Variants in HNRNPH1 observed in about 807,000 individuals in gnomAD.
The protein encoded by HNRNPH1 is heterogeneous nuclear ribonucleoprotein H.
In HNRNPH1, 4 loss-of-function variants were observed where a neutral mutation model predicts 58.6. The ratio of observed to expected loss-of-function variants is 0.07; its 90% confidence interval spans 0.03 to 0.16. The LOEUF is 0.16. Among genes scored for constraint, HNRNPH1 ranks in the 10% least tolerant of loss-of-function variants. The pLI is 1.00. For missense variants in HNRNPH1, 271 were observed against 564.2 expected (o/e 0.48, Z 5.26); for synonymous variants, 192 against 189.2 (o/e 1.01, Z -0.12).
chr5:179,632,171 G>T (rs1303947681), intron 2 of HNRNPH1, among the ~76,000 whole-genome samples: 1 of 152,102 alleles, frequency 6.6e-6, no homozygotes, highest in South Asian at 2.1e-4. Context: ...ATCCGGGCGT[G>T]GTGGCGGGTG....
chr5:179,627,984 G>A (rs1163028681), upstream of HNRNPH1, among the ~76,000 whole-genome samples: 1 of 142,302 alleles, frequency 7.0e-6, no homozygotes, highest in Non-Finnish European at 1.5e-5. Context: ...CATCACACCC[G>A]GCTAATTTTT....
At chr5:179,631,535 C>T (rs998668431) in intron 2 of HNRNPH1, among the ~76,000 whole-genome samples, 13 of 151,944 alleles carry the variant, frequency 8.6e-5, no homozygotes, top group African/African-American at 2.2e-4. Flanking sequence ...TACCTGAGGT[C>T]GGGAGTTCAA....
intron 8 of HNRNPH1, 110 bp downstream of exon 9, chr5:179,617,404 T>C: frequency 2.4e-6 from 3 of 1,263,018 alleles, no homozygotes; most frequent in East Asian, 4.6e-5. Flanking sequence ...AGAATTAATC[T>C]ATTACTGGAG....
intron 11 of HNRNPH1, chr5:179,615,835 T>C (rs922222809): frequency 1.9e-6 from 1 of 519,684 alleles, no homozygotes; most frequent in African/African-American, 1.9e-5. Context: ...AGATATTTTC[T>C]GGCTCGACAG....
chr5:179,623,250 C>T (rs919851117), exon 1 of HNRNPH1: 7 of 641,738 alleles, frequency 1.1e-5, no homozygotes, highest in South Asian at 1.7e-5. Flanking sequence ...ACCGCCCCCC[C>T]ACGGAGCAAA....
chr5:179,617,463 T>C (rs750901213), intron 8 of HNRNPH1, 51 bp downstream of exon 9: 1 of 1,577,254 alleles, frequency 6.3e-7, no homozygotes, highest in East Asian at 2.2e-5. Flanking sequence ...ATTGTAAATG[T>C]TAGTCACACA....
At chr5:179,614,891 T>C (rs1008665544) in exon 13 of HNRNPH1, 7 of 1,548,460 alleles carry the variant, frequency 4.5e-6, no homozygotes, top group Non-Finnish European at 6.1e-6. Flanking sequence ...AACCCTCCCA[T>C]TCCGTTCACG....
At chr5:179,632,693 G>A (rs1774944143) in intron 2 of HNRNPH1, among the ~76,000 whole-genome samples, 1 of 152,024 alleles carries the variant, frequency 6.6e-6, no homozygotes, top group African/African-American at 2.4e-5. Context: ...TGAACTTTCC[G>A]GGTGCGAACC....
intron 2 of HNRNPH1, among the ~76,000 whole-genome samples, chr5:179,633,547 C>T (rs1775024277): frequency 6.8e-6 from 1 of 146,222 alleles, no homozygotes; most frequent in South Asian, 2.2e-4. Context: ...CTCCTGACCT[C>T]GTGATCCACC....
chr5:179,614,748 G>C (rs889761342), exon 13 of HNRNPH1: 2 of 654,684 alleles, frequency 3.1e-6, no homozygotes, highest in Admixed American at 3.0e-5. Context: ...TCACAAGCTT[G>C]TATTGCAGAA....
chr5:179,615,947 G>C (rs755219151), intron 11 of HNRNPH1, 179 bp downstream of exon 12: 27 of 581,054 alleles, frequency 4.6e-5, no homozygotes, highest in Middle Eastern at 3.2e-4. Context: ...CATTTGGATT[G>C]AAAGCATACA....
rs376982995 is a variant in HNRNPH1, at chr5:179,617,043, T to G, written c.1117+8A>C. On this transcript the variant is annotated splice_region_variant and intron_variant, in intron 9 of 12. Transcript: ENST00000356731. The stretch of plus-strand genomic sequence containing the variant: ...TACACAAACCCATGCCTCCTAGCAT[T>G]TGGCTACCGTAAGCACCACCGCTTG... The G allele has an allele frequency of 2.5e-6, 4 of 1,610,884 alleles. No homozygotes were observed. The highest frequency in any genetic ancestry group is 3.4e-6 in the Non-Finnish European group (4 of 1,178,330).
intron 3 of HNRNPH1, chr5:179,619,991 T>C (rs1276465803): frequency 6.6e-6 from 1 of 152,222 alleles, no homozygotes; most frequent in Admixed American, 6.5e-5. Flanking sequence ...AAAAATCCTT[T>C]CCGTGGATAC....
rs1191784450 is a variant in HNRNPH1 at position 179,621,224 on chromosome 5, G to C, written c.253+18C>G. On this transcript the variant is annotated intron_variant, in intron 2 of 12. Coordinates refer to ENST00000356731, the Ensembl canonical transcript of HNRNPH1. ...TTTAATGCTTTATTTACTGTAACTA[G>C]GGCAATGTAAATCAAACCTTCAACA... 4.4e-6 allele frequency: 7 copies of C among 1,608,230 alleles called. No individual in the cohort carries two copies. Among genetic ancestry groups the C allele is most frequent in the Admixed American group, 1.7e-5 (1 of 59,968 alleles).
At chr5:179,629,111 C>T (rs1231757513), upstream of HNRNPH1, 5 of 149,382 alleles carry the variant, frequency 3.3e-5, no homozygotes, top group Admixed American at 2.7e-4. Context: ...TCCTGGATAA[C>T]ACAGTGAAAC....
chr5:179,621,888 C>G (rs535437814), intron 1 of HNRNPH1: 2 of 454,602 alleles, frequency 4.4e-6, no homozygotes, highest in African/African-American at 4.0e-5. Flanking sequence ...CCAAGTTGCA[C>G]AGCTGAAGCC....
chr5:179,630,072 G>A (rs1392281024), intron 2 of HNRNPH1, among the ~76,000 whole-genome samples: 1 of 151,960 alleles, frequency 6.6e-6, no homozygotes, highest in African/African-American at 2.4e-5. Flanking sequence ...AAAATATGCA[G>A]ATGACCGGGC....
chr5:179,620,487 T>C (rs912875694), intron 3 of HNRNPH1, among the ~76,000 whole-genome samples: 2 of 152,228 alleles, frequency 1.3e-5, no homozygotes, highest in African/African-American at 4.8e-5. Flanking sequence ...TCTGGTCACA[T>C]GACCCAAATA....
At position 179,621,406 on chromosome 5, in the gene HNRNPH1, A is replaced by G; in HGVS notation, c.98-9T>C. 2 of 1,612,010 alleles carry G rather than the reference A, an allele frequency of 1.2e-6. No homozygotes were observed. The highest frequency in any genetic ancestry group is 1.7e-6 in the Non-Finnish European group (2 of 1,179,346). On this transcript the variant is annotated splice_polypyrimidine_tract_variant and intron_variant, in intron 1 of 12. Transcript: ENST00000356731. Reference sequence around the variant, plus strand: ...ATTTTGAATTTTGCAGTCTGGAAAGAAAACAACCGTTAATACAGAATTTAA... The same window carrying G: ...ATTTTGAATTTTGCAGTCTGGAAAGGAAACAACCGTTAATACAGAATTTAA...
Sources: gnomAD v4.1 joint callset for allele counts (sites outside exome capture counted in the v4.1 genomes callset) on GRCh38, gnomAD v4.1.1 for gene constraint, MANE v1.5 for transcripts, NCBI Gene and HGNC (gene_info 2026-07-23, HGNC 2026-07-21) for gene names.